Variants in FOXJ3 observed in about 807,000 individuals in gnomAD.
FOXJ3 encodes the protein forkhead box protein J3.
In FOXJ3, 22 loss-of-function variants were observed where a neutral mutation model predicts 76.1. The observed-to-expected ratio is 0.29, with a 90% confidence interval of 0.21 to 0.41. The LOEUF is 0.41. Among genes scored for constraint, FOXJ3 ranks in the 10% least tolerant of loss-of-function variants. The pLI is 1.00. For synonymous variants in FOXJ3, 269 were observed against 261.2 expected (o/e 1.03, Z -0.29); for missense variants, 613 against 762.1 (o/e 0.80, Z 2.30).
At chr1:42,229,329 C>T (rs1326012641) in intron 4 of FOXJ3, among the ~76,000 whole-genome samples, 3 of 152,130 alleles carry the variant, frequency 2.0e-5, no homozygotes, top group Admixed American at 2.0e-4. Flanking sequence ...TGGATAGGGA[C>T]TATTTTACTC....
rs1025974049 is a variant in FOXJ3 at position 42,264,291 on chromosome 1, T to C, written c.444+824A>G. ...GGTGAATTATAGCTAGAAAGGCAGA[T>C]TGAGAAAAAAACAGTAAAGAATATT... On this transcript the variant is annotated intron_variant, in intron 4 of 12. Coordinates refer to ENST00000361346, the MANE Select transcript of FOXJ3 (RefSeq NM_014947.5). Among the ~76,000 whole-genome samples, 40 of 151,978 alleles carry C rather than the reference T, an allele frequency of 2.6e-4. 1 individual carries two copies. The highest frequency in any genetic ancestry group is 6.5e-4 in the African/African-American group (27 of 41,378).
intron 3 of FOXJ3, among the ~76,000 whole-genome samples, chr1:42,265,821 G>C (rs1024268302): frequency 6.6e-6 from 1 of 152,166 alleles, no homozygotes; most frequent in Non-Finnish European, 1.5e-5. Context: ...ACTGGCTACA[G>C]GGAGCTGGGA....
At chr1:42,295,086 G>A (rs1161089209) in intron 2 of FOXJ3, among the ~76,000 whole-genome samples, 1 of 152,118 alleles carries the variant, frequency 6.6e-6, no homozygotes, top group African/African-American at 2.4e-5. Context: ...TAGATTCAGG[G>A]GGTAAACATA....
intron 1 of FOXJ3, chr1:42,323,748 T>C: frequency 1.1e-6 from 1 of 902,758 alleles, no homozygotes; most frequent in African/African-American, 1.8e-5. Flanking sequence ...AGATATATGC[T>C]GAATAATCAC....
chr1:42,289,572 T>G (rs936554102), intron 2 of FOXJ3, among the ~76,000 whole-genome samples: 1 of 152,148 alleles, frequency 6.6e-6, no homozygotes, highest in African/African-American at 2.4e-5. Context: ...TTCAGTTCTA[T>G]GCTGTGGATT....
At chr1:42,258,297 A>C (rs1650764195) in intron 4 of FOXJ3, among the ~76,000 whole-genome samples, 1 of 152,120 alleles carries the variant, frequency 6.6e-6, no homozygotes, top group African/African-American at 2.4e-5. Flanking sequence ...ACTTCTTAGG[A>C]TGCTGTTCCT....
At position 42,276,842 on chromosome 1, in the gene FOXJ3, G is replaced by A. The variant is rs115846991; in HGVS notation, c.369+1506C>T. On this transcript the variant is annotated intron_variant, in intron 3 of 12. Coordinates refer to ENST00000361346, the MANE Select transcript of FOXJ3 (RefSeq NM_014947.5). The stretch of plus-strand genomic sequence containing the variant: ...TATGTTATGCACAAAAGGCCATATC[G>A]GTATTATTCTTCCCAAAAATGTATT... Among the ~76,000 whole-genome samples, 695 of 152,212 alleles carry A rather than the reference G, an allele frequency of 4.6e-3. 10 individuals carry two copies. Among genetic ancestry groups the A allele is most frequent in the African/African-American group, 0.016 (672 of 41,518 alleles).
intron 6 of FOXJ3, 132 bp from the exon 7 acceptor site, chr1:42,199,362 A>G: frequency 1.5e-6 from 1 of 649,878 alleles, no homozygotes; most frequent in Non-Finnish European, 2.7e-6. Flanking sequence ...GCTCACCCCA[A>G]TTCCATGCCC....
intron 3 of FOXJ3, among the ~76,000 whole-genome samples, chr1:42,268,520 T>C (rs1383056241): frequency 6.6e-6 from 1 of 152,018 alleles, no homozygotes; most frequent in Admixed American, 6.6e-5. Context: ...AAGGTAGATT[T>C]AATGCTTTAA....
At position 42,191,396 on chromosome 1, in the gene FOXJ3, G is replaced by T. The variant is rs775594582; in HGVS notation, c.1258C>A (p.Pro420Thr). 6.2e-7 allele frequency: 1 copy of T among 1,608,502 alleles called. No individual in the cohort carries two copies. The highest frequency in any genetic ancestry group is 1.1e-5 in the South Asian group (1 of 90,682). ...LQSPHPQHPS[P>T]HQHIQHHPNH... is the part of the protein sequence containing the mutation. Reference sequence around the variant, plus strand: ...GGATGGTGCTGTATGTGTTGATGTGGAGAGGGATGCTGGGGGTGAGGGGAC... The same window carrying T: ...GGATGGTGCTGTATGTGTTGATGTGTAGAGGGATGCTGGGGGTGAGGGGAC... The change falls in exon 9 of 13, where the codon CCA (proline) becomes ACA (threonine). Residue 420 changes from proline to threonine, a missense_variant. Pro to Thr is a conservative substitution (Grantham distance 38). Around this residue, in one of 3 missense-constraint regions of FOXJ3, gnomAD observed 526 missense variants for 601.4 expected, o/e 0.87. Coordinates refer to ENST00000361346, the MANE Select transcript of FOXJ3 (RefSeq NM_014947.5).
chr1:42,315,805 A>T lies in FOXJ3; in HGVS notation c.-17-4695T>A, dbSNP rs1018235414. Among the ~76,000 whole-genome samples, 14 of 152,270 alleles carry T rather than the reference A, an allele frequency of 9.2e-5. 1 individual carries two copies. The highest frequency in any genetic ancestry group is 3.4e-4 in the African/African-American group (14 of 41,468). ...GTTGAACAACTATATTAACTCATTC[A>T]GTTACATCCATAATTTATTTACATG... On this transcript the variant is annotated intron_variant, in intron 1 of 12. Transcript: ENST00000361346.
In FOXJ3 at chr1:42,188,971, T is replaced by G. The variant is rs1646490477; in HGVS notation, c.1454-43A>C. ...AAAATATGTTAGCACTGTTATGCAA[T>G]AAACATTGCAAGGAAAATAGCAAGA... On this transcript the variant is annotated intron_variant, in intron 10 of 12. Coordinates refer to ENST00000361346, the MANE Select transcript of FOXJ3 (RefSeq NM_014947.5). 6 of 1,271,860 alleles carry G rather than the reference T, an allele frequency of 4.7e-6. No individual in the cohort carries two copies. The South Asian group carries it at 9.0e-5, about 19-fold the overall frequency. The allele number at this position is 1,271,860 out of a possible 1,614,324, so 78.8% of individuals were successfully genotyped here.
chr1:42,276,914 T>C (rs573056813), intron 3 of FOXJ3, among the ~76,000 whole-genome samples: 3 of 152,346 alleles, frequency 2.0e-5, no homozygotes, highest in South Asian at 4.1e-4. Flanking sequence ...GCAACATATA[T>C]TGCCCAGGCT....
chr1:42,231,955 C>G (rs1426053627), intron 4 of FOXJ3, among the ~76,000 whole-genome samples: 2 of 152,176 alleles, frequency 1.3e-5, no homozygotes, highest in African/African-American at 4.8e-5. Context: ...CCCCTACCCC[C>G]ACCCCACAAC....
At chr1:42,214,395 A>G (rs1224492351) in intron 5 of FOXJ3, among the ~76,000 whole-genome samples, 1 of 152,198 alleles carries the variant, frequency 6.6e-6, no homozygotes, top group East Asian at 1.9e-4. Context: ...TTATTACAGC[A>G]GCCATCAACC....
At chr1:42,182,961 A>C (rs1646354193) in intron 11 of FOXJ3, among the ~76,000 whole-genome samples, 1 of 151,998 alleles carries the variant, frequency 6.6e-6, no homozygotes, top group Non-Finnish European at 1.5e-5. Flanking sequence ...AAAGAGCTAC[A>C]ACAAGCAATG....
In FOXJ3 at chr1:42,278,521, G is replaced by T; in HGVS notation, c.196C>A (p.Leu66Met). 1 of 1,614,138 alleles carries T rather than the reference G, an allele frequency of 6.2e-7. No individual in the cohort carries two copies. The highest frequency in any genetic ancestry group is 1.1e-5 in the South Asian group (1 of 91,066). Residue 66 changes from leucine to methionine, a missense_variant, in exon 3 of 13, where the codon CTG becomes ATG. Physicochemically the swap from Leu to Met is conservative, Grantham distance 15. Around this residue, in one of 3 missense-constraint regions of FOXJ3, gnomAD observed 77 missense variants for 115.1 expected, o/e 0.67. Transcript: ENST00000361346. ...TGCTGTTGGACTTCTTCCTGGTCCA[G>T]AGTTGTATTTGGGTCAAGGAGTGCA... ...KNALLDPNTT[L>M]DQEEVQQHKD...
At chr1:42,280,044 T>G (rs1303298578) in intron 2 of FOXJ3, among the ~76,000 whole-genome samples, 1 of 152,092 alleles carries the variant, frequency 6.6e-6, no homozygotes, top group Non-Finnish European at 1.5e-5. Flanking sequence ...GCTGTAGAAC[T>G]GTGAAGATGT....
chr1:42,294,762 CAAA>C (rs5773766), intron 2 of FOXJ3, among the ~76,000 whole-genome samples: 3 of 105,676 alleles, frequency 2.8e-5, no homozygotes, highest in Admixed American at 1.0e-4. Flanking sequence ...AACTTGGTCT[CAAA>C]AAAAAAAAAA....
Sources: allele counts gnomAD v4.1 joint callset (sites outside exome capture counted in the v4.1 genomes callset), GRCh38; gene constraint gnomAD v4.1.1; regional missense constraint gnomAD v4.1.1; transcripts MANE v1.5; gene names NCBI Gene and HGNC (gene_info 2026-07-23, HGNC 2026-07-21).